Variants in CHST9 observed in about 807,000 individuals in gnomAD.
The protein encoded by CHST9 is GalNAc-4-sulfotransferase 2.
CHST9 carries 41 observed loss-of-function variants against 44.4 expected under a neutral mutation model. That is an observed-to-expected ratio of 0.92 (90% CI 0.72 to 1.20). CHST9 has a LOEUF of 1.20. Among genes scored for constraint, CHST9 ranks in the 50% most tolerant of loss-of-function variants. The pLI is 0.00. For synonymous variants in CHST9, 171 were observed against 178.4 expected, an observed-to-expected ratio of 0.96 and a Z score of 0.33; for missense variants, 504 against 516.5, an observed-to-expected ratio of 0.98 and a Z score of 0.23.
rs115033056 is a variant in CHST9 at position 27,065,223 on chromosome 18, A to G, written c.122-16720T>C. Reference sequence around the variant, plus strand: ...GGTCTGCTTTCAGAGGAATGTAAGAATCTTCGAGGTATTTTGTTTTTCTCC... The same window carrying G: ...GGTCTGCTTTCAGAGGAATGTAAGAGTCTTCGAGGTATTTTGTTTTTCTCC... On this transcript the variant is annotated intron_variant, in intron 2 of 5. Coordinates refer to ENST00000618847, the MANE Select transcript of CHST9 (RefSeq NM_031422.6). 1.5e-3 allele frequency among the ~76,000 whole-genome samples: 222 copies of G among 152,368 alleles called. 1 individual carries two copies. The highest frequency in any genetic ancestry group is 5.0e-3 in the African/African-American group (210 of 41,586).
At chr18:26,920,452 AC>A (rs780592244) in intron 5 of CHST9, among the ~76,000 whole-genome samples, 6 of 152,066 alleles carry the variant, frequency 3.9e-5, no homozygotes, top group African/African-American at 7.2e-5. Context: ...TTCTCATAGC[AC>A]TAATCACACT....
intron 2 of CHST9, among the ~76,000 whole-genome samples, chr18:27,053,251 A>G (rs28614147): frequency 9.1e-6 from 1 of 110,232 alleles, no homozygotes; most frequent in African/African-American, 3.4e-5. Flanking sequence ...AAGAAGAAGA[A>G]GAAGAAGAAG....
rs370973380 is a variant in CHST9 at position 26,916,234 on chromosome 18, C to T, written c.*25G>A. 1.3e-5 allele frequency: 19 copies of T among 1,453,052 alleles called. No individual in the cohort carries two copies. The highest frequency in any genetic ancestry group is 1.7e-5 in the Non-Finnish European group (18 of 1,055,468). The allele number at this position is 1,453,052 out of a possible 1,614,324, so 90.0% of individuals were successfully genotyped here. A position where few individuals can be genotyped will look rare whatever the true frequency, so the allele number is the denominator to read the frequency against. ...TGAACTTATCATCATTAAGTATATA[C>T]AGGGTTTTAGAAAATGAATGCAAAC... On this transcript the variant is annotated 3_prime_UTR_variant, in exon 6 of 6. Transcript: ENST00000618847.
At chr18:27,004,808 T>C (rs369919365) in intron 4 of CHST9, among the ~76,000 whole-genome samples, 94 of 152,318 alleles carry the variant, frequency 6.2e-4, no homozygotes, top group African/African-American at 2.1e-3. Flanking sequence ...CATAATAAAT[T>C]ACTGTTTTTC....
At chr18:27,097,837 G>GGAAT (rs1017455179) in intron 2 of CHST9, among the ~76,000 whole-genome samples, 8 of 152,130 alleles carry the variant, frequency 5.3e-5, no homozygotes, top group Admixed American at 5.2e-4. Flanking sequence ...TATTAAATAG[G>GGAAT]GAATCCTTTC....
At chr18:27,068,503 G>A (rs1373044322) in intron 2 of CHST9, among the ~76,000 whole-genome samples, 2 of 152,078 alleles carry the variant, frequency 1.3e-5, no homozygotes, top group African/African-American at 4.8e-5. Flanking sequence ...AGTGAAAGAT[G>A]GCGATAACTC....
At chr18:27,021,840 G>A (rs998676559) in intron 4 of CHST9, among the ~76,000 whole-genome samples, 7 of 152,304 alleles carry the variant, frequency 4.6e-5, no homozygotes, top group African/African-American at 1.4e-4. Flanking sequence ...GGGTCTCACT[G>A]TGTTGCACAG....
In CHST9 at chr18:26,911,536, C is replaced by G. The variant is rs1241616286; in HGVS notation, c.*4723G>C. ...AGATGAGATTTTGAAATTGAATAATCTCAAGAGATTCCTTGGTGAGTTAAC... is the reference window on the plus strand; with the variant it reads ...AGATGAGATTTTGAAATTGAATAATGTCAAGAGATTCCTTGGTGAGTTAAC... On this transcript the variant is annotated 3_prime_UTR_variant, in exon 6 of 6. Transcript: ENST00000618847. The G allele has an allele frequency of 6.6e-6, 1 of 152,130 alleles. No individual in the cohort carries two copies. The highest frequency in any genetic ancestry group is 1.5e-5 in the Non-Finnish European group (1 of 68,034). 9.4% of individuals were successfully genotyped at this position (152,130 alleles called of 1,614,324 possible).
In CHST9 at chr18:27,127,417, G is replaced by A. The variant is rs560629617; in HGVS notation, c.121+15272C>T. 8.9e-4 allele frequency among the ~76,000 whole-genome samples: 135 copies of A among 152,278 alleles called. 1 individual carries two copies. The highest frequency in any genetic ancestry group is 8.7e-3 in the South Asian group (42 of 4,822). On this transcript the variant is annotated intron_variant, in intron 2 of 5. Coordinates refer to ENST00000618847, the MANE Select transcript of CHST9 (RefSeq NM_031422.6). Reference sequence around the variant, plus strand: ...ATCTAATGCTGCACAGAACTCAAAAGAGGAGGACTGAAAAGGACTTATTGG... The same window carrying A: ...ATCTAATGCTGCACAGAACTCAAAAAAGGAGGACTGAAAAGGACTTATTGG...
rs1456661849 is a variant in CHST9 at position 27,180,730 on chromosome 18, A to G, written c.-97+4406T>C. ...ACTGTAGGTCCCCATTATTTCTGCA[A>G]CTGTAAAATGAGGACACAGGAATAA... On this transcript the variant is annotated intron_variant, in intron 1 of 5. Transcript: ENST00000618847. Among the ~76,000 whole-genome samples, 3 of 152,312 alleles carry G rather than the reference A, an allele frequency of 2.0e-5. No homozygotes were observed. The East Asian group carries it at 5.8e-4, about 29-fold the overall frequency.
intron 2 of CHST9, among the ~76,000 whole-genome samples, chr18:27,120,652 T>A (rs374065215): frequency 3.9e-4 from 60 of 152,346 alleles, no homozygotes; most frequent in African/African-American, 1.4e-3. Context: ...CTCCTAGTTA[T>A]GTGCCTTTGG....
intron 4 of CHST9, among the ~76,000 whole-genome samples, chr18:26,944,895 G>C (rs1343545143): frequency 1.3e-5 from 2 of 152,142 alleles, no homozygotes; most frequent in South Asian, 2.1e-4. Context: ...CAAACCAACA[G>C]TTCTATAAAT....
At chr18:27,087,259 G>A (rs748710744) in intron 2 of CHST9, among the ~76,000 whole-genome samples, 1 of 152,054 alleles carries the variant, frequency 6.6e-6, no homozygotes, top group Non-Finnish European at 1.5e-5. Context: ...AAGATAGTAG[G>A]AAAAGAAGAA....
chr18:27,089,466 T>C (rs1433809815), intron 2 of CHST9, among the ~76,000 whole-genome samples: 1 of 152,196 alleles, frequency 6.6e-6, no homozygotes. Context: ...GGACAAGAAC[T>C]CATCCTTTTT....
intron 2 of CHST9, among the ~76,000 whole-genome samples, chr18:27,127,156 G>A (rs1054969036): frequency 1.8e-4 from 28 of 152,162 alleles, no homozygotes; most frequent in Non-Finnish European, 3.7e-4. Flanking sequence ...TGGCACTACA[G>A]AGACTTGCAA....
At chr18:26,925,564 G>A (rs1027398879) in intron 5 of CHST9, among the ~76,000 whole-genome samples, 1 of 152,228 alleles carries the variant, frequency 6.6e-6, no homozygotes, top group Non-Finnish European at 1.5e-5. Flanking sequence ...CCAGGCATAT[G>A]CCTGTTACAA....
At chr18:26,949,791 C>T (rs1445533038) in intron 4 of CHST9, among the ~76,000 whole-genome samples, 1 of 152,156 alleles carries the variant, frequency 6.6e-6, no homozygotes, top group Non-Finnish European at 1.5e-5. Flanking sequence ...CCAGTGTAAT[C>T]ATAAGAGTCC....
intron 3 of CHST9, among the ~76,000 whole-genome samples, chr18:27,024,586 A>T (rs1175799850): frequency 6.6e-6 from 1 of 152,248 alleles, no homozygotes; most frequent in East Asian, 1.9e-4. Context: ...AAAATTGAGT[A>T]CTTGGGCTCG....
chr18:26,981,121 C>A (rs2056686717), intron 4 of CHST9, among the ~76,000 whole-genome samples: 1 of 152,062 alleles, frequency 6.6e-6, no homozygotes, highest in Non-Finnish European at 1.5e-5. Flanking sequence ...TCTAGTTTCT[C>A]AAGTTAAGAA....
Sources: gnomAD v4.1 joint callset for allele counts (sites outside exome capture counted in the v4.1 genomes callset) on GRCh38, gnomAD v4.1.1 for gene constraint, MANE v1.5 for transcripts, NCBI Gene and HGNC (gene_info 2026-07-23, HGNC 2026-07-21) for gene names.